CACNA1D: variants seen among roughly 807,000 people sequenced by gnomAD.
CACNA1D encodes the protein calcium voltage-gated channel subunit alpha1 D, also known as voltage-dependent L-type calcium channel subunit alpha-1D.
Under a neutral mutation model 257.1 loss-of-function variants are expected in CACNA1D, and 55 were observed. That is an observed-to-expected ratio of 0.21 (90% CI 0.17 to 0.27). The LOEUF is 0.27. Among genes scored for constraint, CACNA1D ranks in the 10% least tolerant of loss-of-function variants. The pLI is 1.00. For missense variants in CACNA1D, 1,876 were observed against 2,784.0 expected (o/e 0.67, Z 7.34); for synonymous variants, 980 against 1,014.9 (o/e 0.97, Z 0.65).
intron 4 of CACNA1D, among the ~76,000 whole-genome samples, chr3:53,654,438 A>G (rs28840134): frequency 1.8e-3 from 272 of 152,340 alleles, no homozygotes; most frequent in African/African-American, 5.9e-3. Context: ...GGAAATAGCC[A>G]TATGGTCTTG....
chr3:53,756,681 C>A (rs1164615233), intron 29 of CACNA1D, among the ~76,000 whole-genome samples: 3 of 152,204 alleles, frequency 2.0e-5, no homozygotes, highest in Non-Finnish European at 4.4e-5. Flanking sequence ...CAAGCCTTTC[C>A]CTCCAGCTGC....
intron 3 of CACNA1D, among the ~76,000 whole-genome samples, chr3:53,551,698 C>T (rs2092538663): frequency 6.6e-6 from 1 of 152,332 alleles, no homozygotes; most frequent in South Asian, 2.1e-4. Flanking sequence ...CACTGGCTCT[C>T]TTTTTAGTTA....
intron 40 of CACNA1D, among the ~76,000 whole-genome samples, chr3:53,798,340 T>TGTGTGTGTGTGTGTGTGCGTGTGTGTGC (rs2095518598): frequency 7.0e-6 from 1 of 142,168 alleles, no homozygotes; most frequent in African/African-American, 3.1e-5. Flanking sequence ...TGTGTGTGCG[T>TGTGTGTGTGTGTGTGTGCGTGTGTGTGC]GTGTGTGTGC....
chr3:53,585,547 C>T (rs928765144), intron 3 of CACNA1D, among the ~76,000 whole-genome samples: 1 of 152,110 alleles, frequency 6.6e-6, no homozygotes, highest in African/African-American at 2.4e-5. Flanking sequence ...TGTGATTCTA[C>T]CTCCCTAACA....
At chr3:53,669,083 G>A (rs1332912213) in intron 7 of CACNA1D, among the ~76,000 whole-genome samples, 1 of 152,226 alleles carries the variant, frequency 6.6e-6, no homozygotes, top group African/African-American at 2.4e-5. Context: ...ACACTAGGGG[G>A]CAGCTAAGTA....
At chr3:53,684,969 G>T (rs2094462435) in intron 8 of CACNA1D, among the ~76,000 whole-genome samples, 1 of 152,006 alleles carries the variant, frequency 6.6e-6, no homozygotes, top group Admixed American at 6.5e-5. Flanking sequence ...TCCAAAATAA[G>T]TCAGAAAAGG....
At chr3:53,539,704 C>T (rs1447283491) in intron 3 of CACNA1D, among the ~76,000 whole-genome samples, 2 of 152,244 alleles carry the variant, frequency 1.3e-5, no homozygotes, top group African/African-American at 4.8e-5. Context: ...GATATGCTCA[C>T]CAACAGCGTG....
chr3:53,757,779 T>C (rs1218209841), intron 29 of CACNA1D, among the ~76,000 whole-genome samples: 4 of 152,342 alleles, frequency 2.6e-5, no homozygotes, highest in Non-Finnish European at 5.9e-5. Flanking sequence ...TCTGTCTAGA[T>C]ACCCTGCTTC....
intron 3 of CACNA1D, among the ~76,000 whole-genome samples, chr3:53,646,207 G>A (rs908890413): frequency 6.6e-6 from 1 of 152,138 alleles, no homozygotes; most frequent in African/African-American, 2.4e-5. Context: ...AGTTGGAAGA[G>A]GAATCTAGGC....
At chr3:53,545,277 A>G (rs2092387172) in intron 3 of CACNA1D, among the ~76,000 whole-genome samples, 1 of 152,222 alleles carries the variant, frequency 6.6e-6, no homozygotes, top group Admixed American at 6.5e-5. Flanking sequence ...TCTCCCCACA[A>G]CAGTAATGGG....
chr3:53,775,886 G>A lies in CACNA1D; in HGVS notation c.4203G>A (p.Arg1401=). The A allele has an allele frequency of 6.2e-7, 1 of 1,614,002 alleles. No homozygotes were observed. Among genetic ancestry groups the A allele is most frequent in the Non-Finnish European group, 8.5e-7 (1 of 1,179,962 alleles). The part of the protein sequence containing the change: ...TFPQAVLLLF[R]CATGEAWQEI... ...CCCCTTTGTTCTTCATCTGAAAAAG[G>A]TGTGCAACAGGTGAGGCCTGGCAGG... Residue 1401 remains arginine, a splice_region_variant and synonymous_variant, in exon 35 of 48, where the codon AGG becomes AGA. Transcript: ENST00000350061.
intron 3 of CACNA1D, among the ~76,000 whole-genome samples, chr3:53,628,024 AAAAT>A (rs1048334976): frequency 6.6e-6 from 1 of 151,988 alleles, no homozygotes; most frequent in Non-Finnish European, 1.5e-5. Context: ...CATCTCAAAA[AAAAT>A]AAATAAATAA....
At chr3:53,806,169 C>T (rs1559723245) in intron 45 of CACNA1D, among the ~76,000 whole-genome samples, 1 of 113,974 alleles carries the variant, frequency 8.8e-6, no homozygotes, top group African/African-American at 2.9e-5. Flanking sequence ...TTTCCCTCCC[C>T]CTCTCCTCCC....
chr3:53,724,907 T>C (rs546604799), intron 14 of CACNA1D, among the ~76,000 whole-genome samples: 6 of 152,298 alleles, frequency 3.9e-5, no homozygotes, highest in African/African-American at 1.2e-4. Flanking sequence ...TATAATCTGC[T>C]GTAAGCCATA....
rs2090317649 is a variant in CACNA1D at position 53,495,814 on chromosome 3, C to T, written c.67+581C>T. Among the ~76,000 whole-genome samples, 1 of 152,194 alleles carries T rather than the reference C, an allele frequency of 6.6e-6. No homozygotes were observed. Among genetic ancestry groups the T allele is most frequent in the Admixed American group, 6.5e-5 (1 of 15,288 alleles). ...CCGCTCCCGTCGCCGGCTGTGCACA[C>T]GTCGGTAACCTAGCAATGCCCGGGG... is the stretch of plus-strand genomic sequence containing the variant. On this transcript the variant is annotated intron_variant, in intron 1 of 47. Transcript: ENST00000350061. This position sits in a 1 kb window ranked among gnomAD's most constrained non-coding sequence, Gnocchi z 5.1.
chr3:53,785,567 C>T (rs1255551027), intron 39 of CACNA1D: 1 of 152,240 alleles, frequency 6.6e-6, no homozygotes, highest in East Asian at 1.9e-4. Flanking sequence ...CCCAGCCCAT[C>T]AAGCTTCAGG....
At position 53,497,386 on chromosome 3, in the gene CACNA1D, G is replaced by A; in HGVS notation, c.302G>A (p.Arg101Gln). 4 of 1,614,136 alleles carry A rather than the reference G, an allele frequency of 2.5e-6. No individual in the cohort carries two copies. The highest frequency in any genetic ancestry group is 3.4e-6 in the Non-Finnish European group (4 of 1,180,026). ...SKKQGNSSNS[R>Q]PARALFCLSL... ...AAACAGGGTAACTCGTCCAACAGCC[G>A]ACCTGCCCGCGCCCTTTTCTGTTTA... The change falls in exon 2 of 48, where the codon CGA (arginine) becomes CAA (glutamine). Residue 101 changes from arginine to glutamine, a missense_variant. Physicochemically the swap from Arg to Gln is conservative, Grantham distance 43. This residue lies in a region of CACNA1D where 143 missense variants were observed against 168.7 expected (regional missense o/e 0.85). Transcript: ENST00000350061.
chr3:53,659,257 G>T (rs1036446611), intron 4 of CACNA1D, among the ~76,000 whole-genome samples: 5 of 152,164 alleles, frequency 3.3e-5, no homozygotes, highest in African/African-American at 9.7e-5. Flanking sequence ...AAAATTTATT[G>T]TGGCTGCCAG....
intron 40 of CACNA1D, chr3:53,791,609 G>A (rs1041315640): frequency 1.3e-5 from 2 of 152,660 alleles, no homozygotes; most frequent in African/African-American, 4.8e-5. Flanking sequence ...CAGAGACCCA[G>A]TCCAGAATAC....
Sources: allele counts gnomAD v4.1 joint callset (sites outside exome capture counted in the v4.1 genomes callset), GRCh38; gene constraint gnomAD v4.1.1; regional missense constraint gnomAD v4.1.1; non-coding constraint Gnocchi (gnomAD v3.1); transcripts MANE v1.5; gene names NCBI Gene and HGNC (gene_info 2026-07-23, HGNC 2026-07-21).